UAP1L1: variants seen among roughly 807,000 people sequenced by gnomAD.
The protein encoded by UAP1L1 is UDP-N-acetylglucosamine pyrophosphorylase 1 like 1.
Under a neutral mutation model 45.3 loss-of-function variants are expected in UAP1L1, and 45 were observed. The ratio of observed to expected loss-of-function variants is 0.99; its 90% confidence interval spans 0.78 to 1.27. UAP1L1 has a LOEUF of 1.27. Among genes scored for constraint, UAP1L1 ranks in the 50% most tolerant of loss-of-function variants. UAP1L1 has a pLI of 0.00. For missense variants in UAP1L1, 667 were observed against 694.0 expected, an observed-to-expected ratio of 0.96 and a Z score of 0.44; for synonymous variants, 323 against 303.9, an observed-to-expected ratio of 1.06 and a Z score of -0.65.
At chr9:137,080,907 AG>A in intron 7 of UAP1L1, 33 bp downstream of exon 7, 2 of 1,522,144 alleles carry the variant, frequency 1.3e-6, no homozygotes, top group Non-Finnish European at 1.8e-6. Flanking sequence ...TACAGCCAGA[AG>A]GGGAGGGCTG....
intron 6 of UAP1L1, 134 bp downstream of exon 6, chr9:137,080,276 C>A: frequency 1.7e-6 from 2 of 1,164,524 alleles, no homozygotes; most frequent in Non-Finnish European, 2.5e-6. Context: ...AGGGAGAAGA[C>A]CAGAGGGTGC....
rs764996965 is a variant in UAP1L1 at position 137,078,485 on chromosome 9, C to T, written c.495-17C>T. Reference sequence around the variant, plus strand: ...GCCAGGCGTACTCGCGGCCGGCTCACCGCGCCTCCCTTGCAGGTACGTCAT... The same window carrying T: ...GCCAGGCGTACTCGCGGCCGGCTCATCGCGCCTCCCTTGCAGGTACGTCAT... On this transcript the variant is annotated splice_polypyrimidine_tract_variant and intron_variant, in intron 2 of 8. Coordinates refer to ENST00000409858, the MANE Select transcript of UAP1L1 (RefSeq NM_207309.3). 5.0e-6 allele frequency: 8 copies of T among 1,612,760 alleles called. No homozygotes were observed. The highest frequency in any genetic ancestry group is 4.0e-5 in the African/African-American group (3 of 74,956).
In UAP1L1 at chr9:137,079,423, C is replaced by G. The variant is rs1832756250; in HGVS notation, c.1011C>G (p.Thr337=). ...GCAACATCTGCAACCACTTCTTCAC[C>G]CGAGGCTTCCTTAAGGCGGTCACCA... ...NAGNICNHFF[T]RGFLKAVTRE... The change falls in exon 5 of 9, where the codon ACC becomes ACG. Residue 337 remains threonine (T), a synonymous_variant. Transcript: ENST00000409858. 6.3e-7 allele frequency: 1 copy of G among 1,596,772 alleles called. No individual in the cohort carries two copies. The highest frequency in any genetic ancestry group is 8.6e-7 in the Non-Finnish European group (1 of 1,167,860).
At chr9:137,080,430 A>G (rs922578147) in intron 6 of UAP1L1, 5 of 589,062 alleles carry the variant, frequency 8.5e-6, no homozygotes, top group Admixed American at 3.3e-5. Flanking sequence ...CCAGGTTGCC[A>G]GGGCGGCTCG....
chr9:137,082,736 C>A lies in UAP1L1; in HGVS notation c.*7C>A. The A allele has an allele frequency of 6.5e-7, 1 of 1,546,638 alleles. No individual in the cohort carries two copies. On this transcript the variant is annotated 3_prime_UTR_variant, in exon 9 of 9. Coordinates refer to ENST00000409858, the MANE Select transcript of UAP1L1 (RefSeq NM_207309.3). This position sits in a 1 kb window ranked among gnomAD's most constrained non-coding sequence, Gnocchi z 5.7. ...GCAGCTGCAGGAGTCCTGACCCGCC[C>A]AGACTGTCCCCAGACTCCCCCGAGA...
In UAP1L1 at chr9:137,079,315, C is replaced by A; in HGVS notation, c.903C>A (p.Val301=). Residue 301 remains valine, a synonymous_variant, in exon 5 of 9, where the codon GTC becomes GTA. Transcript: ENST00000409858. ...GCGTGGTGTGCCAGGTGGACGGTGTCCCCCAGGTGGTGGAGTACAGCGAGA... is the reference window on the plus strand; with the variant it reads ...GCGTGGTGTGCCAGGTGGACGGTGTACCCCAGGTGGTGGAGTACAGCGAGA... ...PVGVVCQVDG[V]PQVVEYSEIS... 1 of 1,613,156 alleles carries A rather than the reference C, an allele frequency of 6.2e-7. No homozygotes were observed. Among genetic ancestry groups the A allele is most frequent in the Non-Finnish European group, 8.5e-7 (1 of 1,179,816 alleles).
intron 5 of UAP1L1, 142 bp downstream of exon 5, chr9:137,079,591 C>G (rs1285493421): frequency 1.1e-5 from 8 of 760,486 alleles, no homozygotes; most frequent in Non-Finnish European, 1.7e-5. Context: ...GCTGATGGGT[C>G]GGGGTGGAGA....
rs1301903333 is a variant in UAP1L1, at chr9:137,077,711, C to T, written c.179C>T (p.Pro60Leu). 1.7e-6 allele frequency: 2 copies of T among 1,155,996 alleles called. No individual in the cohort carries two copies. The highest frequency in any genetic ancestry group is 4.8e-5 in the Admixed American group (1 of 20,982). The allele number at this position is 1,155,996 out of a possible 1,614,324, so 71.6% of individuals were successfully genotyped here. Reference sequence around the variant, plus strand: ...CGGGCGGCGGAGGCCTGCGCGCGCCCCCACGGCCCGCCGCCCGACTTGGCC... The same window carrying T: ...CGGGCGGCGGAGGCCTGCGCGCGCCTCCACGGCCCGCCGCCCGACTTGGCC... The part of the protein sequence containing the change: ...CRRAAEACAR[P>L]HGPPPDLAAR... Residue 60 changes from proline to leucine, a missense_variant, in exon 1 of 9, where the codon CCC becomes CTC. By Grantham distance (98) the Pro-to-Leu change is moderately conservative. Coordinates refer to ENST00000409858, the MANE Select transcript of UAP1L1 (RefSeq NM_207309.3). The surrounding 1 kb of genome is among the most constrained non-coding windows in gnomAD (Gnocchi z 4.7).
intron 7 of UAP1L1, 28 bp from the exon 8 acceptor site, chr9:137,081,970 G>T: frequency 1.2e-6 from 2 of 1,612,768 alleles, no homozygotes. Flanking sequence ...GTGCTGCAAG[G>T]AGATATTGAC....
At chr9:137,079,503 AG>A in intron 5 of UAP1L1, 54 bp downstream of exon 5, 1 of 1,526,918 alleles carries the variant, frequency 6.5e-7, no homozygotes, top group Admixed American at 1.9e-5. Flanking sequence ...TGCGTTGACC[AG>A]GGACCCGCGG....
chr9:137,078,978 G>C lies in UAP1L1; in HGVS notation c.673G>C (p.Gly225Arg). The change falls in exon 4 of 9, where the codon GGC becomes CGC. Residue 225 changes from glycine (G) to arginine (R), a missense_variant and splice_region_variant. Physicochemically the swap from Gly to Arg is moderately radical, Grantham distance 125. Coordinates refer to ENST00000409858, the MANE Select transcript of UAP1L1 (RefSeq NM_207309.3). ...CCCATTCCCTTCTCCGTCTGCAGAC[G>C]GCAACGGGGGCCTCTACTGCGCGCT... ...RKDKVAMAPD[G>R]NGGLYCALED... 6.3e-7 allele frequency: 1 copy of C among 1,585,524 alleles called. No individual in the cohort carries two copies. The highest frequency in any genetic ancestry group is 8.5e-7 in the Non-Finnish European group (1 of 1,171,658).
Position 137,078,584 on chromosome 9 carries a change from A to G in UAP1L1, c.577A>G (p.Asn193Asp). The change falls in exon 3 of 9, where the codon AAC becomes GAC. Residue 193 changes from asparagine to aspartate, a missense_variant. Coordinates refer to ENST00000409858, the MANE Select transcript of UAP1L1 (RefSeq NM_207309.3). Reference protein sequence around the residue: ...EHNFFHLDPANVVMFEQRLLP... With the variant: ...EHNFFHLDPADVVMFEQRLLP... ...CAACTTCTTCCACCTGGACCCCGCC[A>G]ACGTGGTCATGTTTGAGCAGCGCCT... 1 of 1,613,184 alleles carries G rather than the reference A, an allele frequency of 6.2e-7. No individual in the cohort carries two copies. Among genetic ancestry groups the G allele is most frequent in the South Asian group, 1.1e-5 (1 of 91,088 alleles).
At chr9:137,078,010 G>A (rs1160848598) in intron 1 of UAP1L1, 40 bp from the exon 2 acceptor site, 2 of 1,541,922 alleles carry the variant, frequency 1.3e-6, no homozygotes, top group East Asian at 2.4e-5. Context: ...GGAAGGGTGG[G>A]CGGGTCCCGG....
At chr9:137,081,486 C>T (rs1366823500) in intron 7 of UAP1L1, among the ~76,000 whole-genome samples, 4 of 152,074 alleles carry the variant, frequency 2.6e-5, no homozygotes, top group African/African-American at 9.7e-5. Context: ...GCTGGGATTA[C>T]AGGCGTGAGC....
chr9:137,081,006 T>C, intron 7 of UAP1L1, 132 bp downstream of exon 7: 1 of 941,954 alleles, frequency 1.1e-6, no homozygotes, highest in Non-Finnish European at 1.5e-6. Flanking sequence ...CCACCGCAGG[T>C]GCAGGTAGCC....
In UAP1L1 at chr9:137,077,894, C is replaced by T; in HGVS notation, c.289+73C>T. The T allele has an allele frequency of 6.8e-6, 10 of 1,467,428 alleles. No individual in the cohort carries two copies. Among genetic ancestry groups the T allele is most frequent in the Non-Finnish European group, 7.2e-6 (8 of 1,112,254 alleles). The allele number at this position is 1,467,428 out of a possible 1,614,324, so 90.9% of individuals were successfully genotyped here. A position where few individuals can be genotyped will look rare whatever the true frequency, so the allele number is the denominator to read the frequency against. ...GGAGCGGGTGGGAACCGAGGCCGCG[C>T]TCGGGGAACTGTAGTTCTCCTCGCT... On this transcript the variant is annotated intron_variant, in intron 1 of 8. Transcript: ENST00000409858. The surrounding 1 kb of genome is among the most constrained non-coding windows in gnomAD (Gnocchi z 4.7).
At position 137,078,992 on chromosome 9, in the gene UAP1L1, C is replaced by T. The variant is rs74546826; in HGVS notation, c.687C>T (p.Leu229=). The T allele has an allele frequency of 5.4e-4, 865 of 1,594,348 alleles. 3 individuals carry two copies. The African/African-American group carries it at 0.011, about 20-fold the overall frequency. ...VAMAPDGNGG[L]YCALEDHKIL... ...CGTCTGCAGACGGCAACGGGGGCCT[C>T]TACTGCGCGCTGGAGGACCACAAGA... The change falls in exon 4 of 9, where the codon CTC becomes CTT. Residue 229 remains leucine, a synonymous_variant. Coordinates refer to ENST00000409858, the MANE Select transcript of UAP1L1 (RefSeq NM_207309.3).
chr9:137,082,559 G>A lies in UAP1L1; in HGVS notation c.1432-78G>A. The A allele has an allele frequency of 8.2e-7, 1 of 1,220,518 alleles. No individual in the cohort carries two copies. The highest frequency in any genetic ancestry group is 1.3e-5 in the South Asian group (1 of 75,480). The allele number at this position is 1,220,518 out of a possible 1,614,324, so 75.6% of individuals were successfully genotyped here. A position where few individuals can be genotyped will look rare whatever the true frequency, so the allele number is the denominator to read the frequency against. On this transcript the variant is annotated intron_variant, in intron 8 of 8. Coordinates refer to ENST00000409858, the MANE Select transcript of UAP1L1 (RefSeq NM_207309.3). The surrounding 1 kb of genome is among the most constrained non-coding windows in gnomAD (Gnocchi z 5.7). The stretch of plus-strand genomic sequence containing the variant: ...AGACCTGGGATCGCACCTGGGGACT[G>A]TGGCTCTTGGTGTGGCCAGAGGGGC...
rs894755219 is a variant in UAP1L1, at chr9:137,080,488, C to G, written c.1179-201C>G. The stretch of plus-strand genomic sequence containing the variant: ...AGGGGTCCCAGGGTTGGGCCTTCGG[C>G]TGCTGGAAATGGCTGCTGGGATTGG... On this transcript the variant is annotated intron_variant, in intron 6 of 8. Transcript: ENST00000409858. The G allele has an allele frequency of 1.3e-5, 8 of 629,790 alleles. No homozygotes were observed. In the South Asian group the frequency reaches 1.7e-4, roughly 13 times the overall value. The allele number at this position is 629,790 out of a possible 1,614,324, so 39.0% of individuals were successfully genotyped here. A position where few individuals can be genotyped will look rare whatever the true frequency, so the allele number is the denominator to read the frequency against.
Sources: gnomAD v4.1 joint callset for allele counts (sites outside exome capture counted in the v4.1 genomes callset) on GRCh38, gnomAD v4.1.1 for gene constraint, Gnocchi (gnomAD v3.1) non-coding constraint, MANE v1.5 for transcripts, NCBI Gene and HGNC (gene_info 2026-07-23, HGNC 2026-07-21) for gene names.